MAD1L1: variants seen among roughly 807,000 people sequenced by gnomAD.
MAD1L1 encodes the protein mitotic spindle assembly checkpoint protein MAD1.
MAD1L1 carries 95 observed loss-of-function variants against 96.9 expected under a neutral mutation model. The observed-to-expected ratio is 0.98, with a 90% CI of 0.83 to 1.16. MAD1L1 has a LOEUF of 1.16. MAD1L1 is among the 50% of genes most tolerant of loss of function. The probability of loss-of-function intolerance (pLI) is 0.00; values close to 1 mark genes in which losing one functional copy is unlikely to be tolerated. For missense variants in MAD1L1, 1,007 were observed against 954.4 expected (o/e 1.06, Z -0.73); for synonymous variants, 473 against 396.6 (o/e 1.19, Z -2.29).
At chr7:1,979,286 G>C (rs1780786173) in intron 15 of MAD1L1, among the ~76,000 whole-genome samples, 1 of 152,194 alleles carries the variant, frequency 6.6e-6, no homozygotes, top group Admixed American at 6.5e-5. Context: ...AGCTGTCTCA[G>C]TCCCCTGTTC....
intron 11 of MAD1L1, among the ~76,000 whole-genome samples, chr7:2,126,419 G>A (rs1436973975): frequency 3.3e-5 from 5 of 152,214 alleles, no homozygotes; most frequent in African/African-American, 1.2e-4. Context: ...CCAGACCACT[G>A]GAGGCCCCCA....
chr7:2,121,920 T>C (rs1293860490), intron 11 of MAD1L1, among the ~76,000 whole-genome samples: 1 of 152,010 alleles, frequency 6.6e-6, no homozygotes, highest in Non-Finnish European at 1.5e-5. Flanking sequence ...CGTGGACACC[T>C]GAGGGACCGG....
At position 2,032,502 on chromosome 7, in the gene MAD1L1, A is replaced by G. The variant is rs115079637; in HGVS notation, c.1219-17860T>C. ...CATCCATGGCCAGGGGCAGGCCATT[A>G]CCCAAACAGCTCTGACATCAGGGTC... On this transcript the variant is annotated intron_variant, in intron 12 of 18. Coordinates refer to ENST00000265854, the MANE Select transcript of MAD1L1 (RefSeq NM_001013836.2). 8.7e-3 allele frequency among the ~76,000 whole-genome samples: 1,325 copies of G among 152,296 alleles called. 18 individuals carry two copies. Among genetic ancestry groups the G allele is most frequent in the African/African-American group, 0.03 (1,252 of 41,568 alleles).
intron 18 of MAD1L1, among the ~76,000 whole-genome samples, chr7:1,888,384 G>A (rs4386875): frequency 0.43 from 53,976 of 125,220 alleles, 9,788 homozygotes; most frequent in East Asian, 0.5. Context: ...GGCTGCCTAT[G>A]CGTGTGTGTG....
At chr7:1,979,916 C>T (rs1780815612) in intron 15 of MAD1L1, among the ~76,000 whole-genome samples, 1 of 152,246 alleles carries the variant, frequency 6.6e-6, no homozygotes, top group Non-Finnish European at 1.5e-5. Flanking sequence ...TGAGAGACCC[C>T]TGCTGTCAGT....
intron 17 of MAD1L1, among the ~76,000 whole-genome samples, chr7:1,933,021 T>C (rs1583832339): frequency 6.6e-6 from 1 of 152,372 alleles, no homozygotes; most frequent in South Asian, 2.1e-4. Context: ...GTTTGGTTGC[T>C]GAAGCCCCGT....
intron 15 of MAD1L1, among the ~76,000 whole-genome samples, chr7:1,973,389 C>T (rs1780488995): frequency 6.6e-6 from 1 of 152,178 alleles, no homozygotes; most frequent in South Asian, 2.1e-4. Flanking sequence ...ACGCGGAGTG[C>T]GGACGTGCAC....
At chr7:1,987,071 C>A (rs375618095) in intron 14 of MAD1L1, among the ~76,000 whole-genome samples, 4 of 152,170 alleles carry the variant, frequency 2.6e-5, no homozygotes, top group Non-Finnish European at 5.9e-5. Flanking sequence ...CTACACCCCC[C>A]GCTCCCATCC....
chr7:1,965,981 T>C (rs1780150730), intron 15 of MAD1L1, among the ~76,000 whole-genome samples: 1 of 152,242 alleles, frequency 6.6e-6, no homozygotes, highest in Non-Finnish European at 1.5e-5. Context: ...GGTCGGCCCA[T>C]GCCTGGGTCC....
At position 2,219,443 on chromosome 7, in the gene MAD1L1, A is replaced by G. The variant is rs780442584; in HGVS notation, c.485T>C (p.Leu162Pro). ...CTGCAGTTCCGAGATCCTCCCCTTC[A>G]GTGCGTTGATGGTCTAAAAGTAGAG... ...LAQAGETINA[L>P]KGRISELQWS... Residue 162 changes from leucine to proline, a missense_variant, in exon 6 of 19, where the codon CTG becomes CCG. Leu to Pro is a moderately conservative substitution (Grantham distance 98, BLOSUM62 -3). Coordinates refer to ENST00000265854, the MANE Select transcript of MAD1L1 (RefSeq NM_001013836.2). The G allele has an allele frequency of 1.9e-5, 30 of 1,613,464 alleles. No individual in the cohort carries two copies. Among genetic ancestry groups the G allele is most frequent in the Non-Finnish European group, 2.5e-5 (30 of 1,179,860 alleles).
intron 17 of MAD1L1, among the ~76,000 whole-genome samples, chr7:1,901,519 G>A (rs932116779): frequency 6.6e-6 from 1 of 152,156 alleles, no homozygotes; most frequent in Non-Finnish European, 1.5e-5. Flanking sequence ...TCTCAGGCCC[G>A]ACCTGCAACA....
At chr7:2,192,940 C>G (rs1298177887) in intron 10 of MAD1L1, among the ~76,000 whole-genome samples, 1 of 152,134 alleles carries the variant, frequency 6.6e-6, no homozygotes, top group African/African-American at 2.4e-5. Flanking sequence ...GTGAACTTAA[C>G]ACAAAATGTA....
chr7:2,206,915 C>T (rs1792624018), intron 10 of MAD1L1, among the ~76,000 whole-genome samples: 1 of 152,042 alleles, frequency 6.6e-6, no homozygotes, highest in Non-Finnish European at 1.5e-5. Flanking sequence ...AACCCTGTCT[C>T]TACAAAAATA....
intron 14 of MAD1L1, chr7:1,980,896 C>T (rs1459753218): frequency 5.1e-6 from 2 of 390,106 alleles, no homozygotes; most frequent in East Asian, 6.7e-5. Flanking sequence ...CACAAGCCGT[C>T]GTTTATTCCG....
At chr7:1,983,220 A>G (rs1342216956) in intron 14 of MAD1L1, among the ~76,000 whole-genome samples, 1 of 151,940 alleles carries the variant, frequency 6.6e-6, no homozygotes, top group Non-Finnish European at 1.5e-5. Flanking sequence ...TGTTGGTGTC[A>G]ATACAACACT....
At position 2,111,168 on chromosome 7, in the gene MAD1L1, C is replaced by A. The variant is rs571762087; in HGVS notation, c.1073+37984G>T. Among the ~76,000 whole-genome samples the A allele has an allele frequency of 2.0e-5, 3 of 152,324 alleles. No homozygotes were observed. The East Asian group carries it at 5.8e-4, about 29-fold the overall frequency. ...AGGGAGAGAGGAGGAGCACACACAC[C>A]GAGCGTCCACTGTGCCCGCCCCTCG... On this transcript the variant is annotated intron_variant, in intron 11 of 18. Transcript: ENST00000265854.
chr7:1,862,571 A>G (rs1383493804), intron 18 of MAD1L1, among the ~76,000 whole-genome samples: 1 of 152,262 alleles, frequency 6.6e-6, no homozygotes, highest in African/African-American at 2.4e-5. Context: ...TCTGTACAAT[A>G]AAGTTCATCA....
rs144327715 is a variant in MAD1L1, at chr7:2,142,941, G to T, written c.1073+6211C>A. Among the ~76,000 whole-genome samples, 2 of 152,092 alleles carry T rather than the reference G, an allele frequency of 1.3e-5. No individual in the cohort carries two copies. Among genetic ancestry groups the T allele is most frequent in the African/African-American group, 4.8e-5 (2 of 41,402 alleles). On this transcript the variant is annotated intron_variant, in intron 11 of 18. Transcript: ENST00000265854. The surrounding 1 kb of genome is among the most constrained non-coding windows in gnomAD (Gnocchi z 4.7). ...CCCAGATGCCCCCACCGCCTAACCCGTCTGATCATCACCACTGGCCACACA... is the reference window on the plus strand; with the variant it reads ...CCCAGATGCCCCCACCGCCTAACCCTTCTGATCATCACCACTGGCCACACA...
At chr7:2,011,999 G>A (rs1782325366) in intron 13 of MAD1L1, among the ~76,000 whole-genome samples, 1 of 152,168 alleles carries the variant, frequency 6.6e-6, no homozygotes, top group African/African-American at 2.4e-5. Context: ...CTCTAGCCCT[G>A]CTGGGCCCAA....
Sources: gnomAD v4.1 joint callset for allele counts (sites outside exome capture counted in the v4.1 genomes callset) on GRCh38, gnomAD v4.1.1 for gene constraint, Gnocchi (gnomAD v3.1) non-coding constraint, MANE v1.5 for transcripts, NCBI Gene and HGNC (gene_info 2026-07-23, HGNC 2026-07-21) for gene names.